CHMP3: variants seen among roughly 807,000 people sequenced by gnomAD.
CHMP3 encodes the protein charged multivesicular body protein 3, also known as 25.1 protein.
Under a neutral mutation model 27.4 loss-of-function variants are expected in CHMP3, and 8 were observed. That is an observed-to-expected ratio of 0.29 (90% CI 0.17 to 0.53). The LOEUF is 0.53. Ranked by LOEUF, CHMP3 falls within the 20% of genes least tolerant of loss-of-function variation. CHMP3 has a pLI of 0.96. For synonymous variants in CHMP3, 86 were observed against 85.5 expected, an observed-to-expected ratio of 1.01 and a Z score of -0.03; for missense variants, 208 against 271.5, an observed-to-expected ratio of 0.77 and a Z score of 1.64.
intron 4 of CHMP3, 77 bp downstream of exon 4, chr2:86,510,281 C>CCCAAAA: frequency 7.6e-7 from 1 of 1,323,636 alleles, no homozygotes; most frequent in Non-Finnish European, 1.0e-6. Flanking sequence ...CCCACCCACC[C>CCCAAAA]TCATCCCTAG....
chr2:86,563,299 C>T lies in CHMP3; in HGVS notation c.45+5G>A, dbSNP rs760329045. On this transcript the variant is annotated splice_donor_5th_base_variant and intron_variant, in intron 1 of 5. Transcript: ENST00000263856. Reference sequence around the variant, plus strand: ...CCGCTTATCTGCCGCCGCCGTAGCCCTTACCAGTTCTTTGGGCGGCTTCTC... The same window carrying T: ...CCGCTTATCTGCCGCCGCCGTAGCCTTTACCAGTTCTTTGGGCGGCTTCTC... 1.2e-6 allele frequency: 2 copies of T among 1,613,956 alleles called. No individual in the cohort carries two copies. Among genetic ancestry groups the T allele is most frequent in the Non-Finnish European group, 1.7e-6 (2 of 1,179,920 alleles).
intron 1 of CHMP3, among the ~76,000 whole-genome samples, chr2:86,548,184 T>C (rs990596784): frequency 4.6e-5 from 7 of 151,110 alleles, no homozygotes; most frequent in East Asian, 1.9e-4. Context: ...GTTCTCTTTT[T>C]TTTTTTTTTT....
intron 1 of CHMP3, among the ~76,000 whole-genome samples, chr2:86,558,214 C>A (rs1311529862): frequency 1.3e-5 from 2 of 152,208 alleles, no homozygotes; most frequent in Non-Finnish European, 2.9e-5. Context: ...CTGATTCCCA[C>A]CCCAAGACTG....
intron 2 of CHMP3, among the ~76,000 whole-genome samples, chr2:86,530,534 T>A (rs925805993): frequency 6.6e-6 from 1 of 152,228 alleles, no homozygotes; most frequent in South Asian, 2.1e-4. Context: ...ACTTTCTTTT[T>A]AAAGCTCAAT....
intron 1 of CHMP3, among the ~76,000 whole-genome samples, chr2:86,554,572 G>C (rs952878000): frequency 1.3e-5 from 2 of 152,134 alleles, no homozygotes; most frequent in Non-Finnish European, 2.9e-5. Flanking sequence ...AGAATATAAA[G>C]ACAAGCAACT....
chr2:86,555,344 G>C (rs1003662494), intron 1 of CHMP3, among the ~76,000 whole-genome samples: 2 of 152,070 alleles, frequency 1.3e-5, no homozygotes, highest in Non-Finnish European at 2.9e-5. Flanking sequence ...GCAATAAAGA[G>C]AGTAAGCATG....
intron 4 of CHMP3, among the ~76,000 whole-genome samples, chr2:86,508,644 C>T (rs544653240): frequency 2.0e-5 from 3 of 152,296 alleles, no homozygotes; most frequent in East Asian, 1.9e-4. Flanking sequence ...GTAGCAGCTC[C>T]GGCCCTGGCT....
intron 1 of CHMP3, among the ~76,000 whole-genome samples, chr2:86,553,480 C>T (rs547193081): frequency 2.5e-4 from 38 of 152,142 alleles, no homozygotes; most frequent in Non-Finnish European, 4.7e-4. Context: ...TATAGGTGCA[C>T]GCCACCACGC....
At chr2:86,506,912 A>T (rs1674909141) in intron 5 of CHMP3, 1 of 152,182 alleles carries the variant, frequency 6.6e-6, no homozygotes, top group South Asian at 2.1e-4. Flanking sequence ...CCTGGCCCTC[A>T]AACGTTTCAT....
chr2:86,509,948 T>C (rs112694945), intron 4 of CHMP3, among the ~76,000 whole-genome samples: 7 of 152,246 alleles, frequency 4.6e-5, no homozygotes, highest in African/African-American at 1.7e-4. Flanking sequence ...TGATTCTCAG[T>C]CTCTCCTTTT....
intron 3 of CHMP3, chr2:86,511,793 C>T (rs1675116983): frequency 6.6e-6 from 1 of 151,916 alleles, no homozygotes; most frequent in Non-Finnish European, 1.5e-5. Context: ...AGTACCTGAA[C>T]ATGGTATGTG....
At chr2:86,555,584 C>T (rs1456528267) in intron 1 of CHMP3, among the ~76,000 whole-genome samples, 3 of 152,104 alleles carry the variant, frequency 2.0e-5, no homozygotes, top group South Asian at 2.1e-4. Flanking sequence ...AAGCCAAAAT[C>T]AAGGTAGCAG....
At chr2:86,549,677 TGGC>T (rs1676797562) in intron 1 of CHMP3, among the ~76,000 whole-genome samples, 2 of 83,086 alleles carry the variant, frequency 2.4e-5, no homozygotes, top group African/African-American at 9.5e-5. Flanking sequence ...CCAGATGGGG[TGGC>T]GGCCGGGCAG....
intron 2 of CHMP3, among the ~76,000 whole-genome samples, chr2:86,536,839 T>C (rs1676163601): frequency 6.6e-6 from 1 of 152,202 alleles, no homozygotes; most frequent in South Asian, 2.1e-4. Flanking sequence ...ACAATGCATG[T>C]TGGTCTACTT....
At chr2:86,539,349 C>T (rs1186330419) in intron 2 of CHMP3, among the ~76,000 whole-genome samples, 1 of 152,254 alleles carries the variant, frequency 6.6e-6, no homozygotes. Flanking sequence ...ACTGTCACAA[C>T]AATTCTATGA....
rs866170467 is a variant in CHMP3 at position 86,529,212 on chromosome 2, C to G, written c.286+6G>C. The G allele has an allele frequency of 1.2e-6, 2 of 1,600,888 alleles. No individual in the cohort carries two copies. The highest frequency in any genetic ancestry group is 1.7e-6 in the Non-Finnish European group (2 of 1,174,742). The stretch of plus-strand genomic sequence containing the variant: ...TGAGGTGACTGTAAGGTAAGTGCAG[C>G]CTTACCGAGCTGGTTCTTCATCCCC... On this transcript the variant is annotated splice_donor_region_variant and intron_variant, in intron 3 of 5. Transcript: ENST00000263856.
chr2:86,548,728 A>C (rs1676718186), intron 1 of CHMP3, among the ~76,000 whole-genome samples: 1 of 152,162 alleles, frequency 6.6e-6, no homozygotes, highest in Non-Finnish European at 1.5e-5. Flanking sequence ...TACACTTCCC[A>C]GATGGGGTGG....
intron 5 of CHMP3, among the ~76,000 whole-genome samples, chr2:86,506,626 CTTTTTTTTTT>C (rs973270185): frequency 7.6e-6 from 1 of 131,332 alleles, no homozygotes; most frequent in Non-Finnish European, 1.6e-5. Context: ...TGTTTCGAAC[CTTTTTTTTTT>C]TTTTTTTTTG....
chr2:86,549,289 C>T (rs1375124968), intron 1 of CHMP3, among the ~76,000 whole-genome samples: 1 of 147,154 alleles, frequency 6.8e-6, no homozygotes, highest in Non-Finnish European at 1.5e-5. Flanking sequence ...TCCTCGCCTC[C>T]CAGACGGGGC....
Sources: gnomAD v4.1 joint callset for allele counts (sites outside exome capture counted in the v4.1 genomes callset) on GRCh38, gnomAD v4.1.1 for gene constraint, MANE v1.5 for transcripts, NCBI Gene and HGNC (gene_info 2026-07-23, HGNC 2026-07-21) for gene names.